The following JPH3 variants were observed in gnomAD, a reference collection of about 807,000 sequenced individuals.
JPH3 encodes junctophilin-3.
JPH3 carries 11 observed loss-of-function variants against 59.6 expected under a neutral mutation model. The ratio of observed to expected loss-of-function variants is 0.18; its 90% CI spans 0.12 to 0.31. The LOEUF is 0.31. Ranked by LOEUF, JPH3 falls within the 10% of genes least tolerant of loss-of-function variation. The pLI is 1.00. For synonymous variants in JPH3, 673 were observed against 483.6 expected, an observed-to-expected ratio of 1.39 and a Z score of -5.14; for missense variants, 1,202 against 1,105.7, an observed-to-expected ratio of 1.09 and a Z score of -1.24.
intron 4 of JPH3, among the ~76,000 whole-genome samples, chr16:87,692,848 T>A: frequency 6.6e-6 from 1 of 152,216 alleles, no homozygotes; most frequent in South Asian, 2.1e-4. Context: ...CGTCCGTACC[T>A]GCTTCCCGGC....
intron 4 of JPH3, chr16:87,695,196 T>C (rs1412203992): frequency 2.5e-6 from 1 of 394,722 alleles, no homozygotes; most frequent in African/African-American, 2.1e-5. Flanking sequence ...GCTCCCCTCC[T>C]TAATGCAGGC....
At chr16:87,676,423 C>T (rs1343113304) in intron 2 of JPH3, among the ~76,000 whole-genome samples, 1 of 152,096 alleles carries the variant, frequency 6.6e-6, no homozygotes, top group African/African-American at 2.4e-5. Flanking sequence ...ATTTACGGTA[C>T]CTTCATTTAT....
intron 2 of JPH3, among the ~76,000 whole-genome samples, chr16:87,676,941 G>A (rs1250555230): frequency 4.6e-5 from 7 of 151,812 alleles, no homozygotes; most frequent in African/African-American, 1.7e-4. Context: ...GGAGGCTGAA[G>A]TGGGCGGATC....
At chr16:87,632,634 T>G (rs578064793) in intron 1 of JPH3, among the ~76,000 whole-genome samples, 1 of 152,312 alleles carries the variant, frequency 6.6e-6, no homozygotes, top group Admixed American at 6.5e-5. Context: ...GACTCACGCC[T>G]CTAATCCCAG....
intron 1 of JPH3, among the ~76,000 whole-genome samples, chr16:87,623,111 C>T (rs2031249258): frequency 6.6e-6 from 1 of 152,216 alleles, no homozygotes; most frequent in Admixed American, 6.5e-5. Flanking sequence ...GAGGAGTCCA[C>T]TCTGCCCACC....
intron 1 of JPH3, 126 bp from the exon 2 acceptor site, chr16:87,644,132 T>C: frequency 9.8e-7 from 1 of 1,025,560 alleles, no homozygotes; most frequent in Non-Finnish European, 1.4e-6. Flanking sequence ...AGCGAGAACC[T>C]GTCTCAAAAA....
Position 87,644,704 on chromosome 16 carries a change from G to A in JPH3, c.829G>A (p.Glu277Lys), listed in dbSNP as rs770238690. 12 of 1,612,264 alleles carry A rather than the reference G, an allele frequency of 7.4e-6. No homozygotes were observed. The highest frequency in any genetic ancestry group is 2.2e-5 in the East Asian group (1 of 44,820). Residue 277 changes from glutamate to lysine, a missense_variant, in exon 2 of 5, where the codon GAG becomes AAG. Transcript: ENST00000284262. ...GGCTGAGGCCGAGCTGGCGGTCATCGAGGACGACATCGACGCCACCACCAC... is the reference window on the plus strand; with the variant it reads ...GGCTGAGGCCGAGCTGGCGGTCATCAAGGACGACATCGACGCCACCACCAC... ...GEAEAELAVIEDDIDATTTET... is the reference protein window; with the variant it reads ...GEAEAELAVIKDDIDATTTET...
chr16:87,646,830 G>C (rs1389432168), intron 2 of JPH3, among the ~76,000 whole-genome samples: 1 of 152,208 alleles, frequency 6.6e-6, no homozygotes, highest in East Asian at 1.9e-4. Flanking sequence ...AGGACTTAGT[G>C]GACAGTGCCC....
intron 1 of JPH3, among the ~76,000 whole-genome samples, chr16:87,610,223 T>C (rs2030681080): frequency 6.6e-6 from 1 of 152,186 alleles, no homozygotes; most frequent in African/African-American, 2.4e-5. Flanking sequence ...GCTTGCTTAC[T>C]CACTCGCCAC....
At chr16:87,672,332 T>C (rs1339636574) in intron 2 of JPH3, among the ~76,000 whole-genome samples, 1 of 152,186 alleles carries the variant, frequency 6.6e-6, no homozygotes, top group African/African-American at 2.4e-5. Flanking sequence ...GGTCCCAGGC[T>C]AACGGGCTTC....
intron 1 of JPH3, among the ~76,000 whole-genome samples, chr16:87,642,660 C>T (rs964222039): frequency 1.6e-4 from 25 of 152,212 alleles, no homozygotes; most frequent in South Asian, 2.1e-4. Flanking sequence ...CGTTAGTGCC[C>T]GGCTGCAGGG....
At chr16:87,666,348 C>CA (rs1343433653) in intron 2 of JPH3, among the ~76,000 whole-genome samples, 1 of 151,192 alleles carries the variant, frequency 6.6e-6, no homozygotes, top group Non-Finnish European at 1.5e-5. Context: ...CTCGACCTCT[C>CA]AAAGTGCTTA....
chr16:87,687,408 G>A (rs56272945), intron 3 of JPH3, among the ~76,000 whole-genome samples: 7,490 of 152,256 alleles, frequency 0.049, 600 homozygotes, highest in African/African-American at 0.17. Flanking sequence ...AGTGGCTGGC[G>A]CCAGCCTCTT....
In JPH3 at chr16:87,621,164, G is replaced by C. The variant is rs182648897; in HGVS notation, c.382+17636G>C. Among the ~76,000 whole-genome samples, 301 of 69,734 alleles carry C rather than the reference G, an allele frequency of 4.3e-3. 3 individuals are homozygous for C. Among genetic ancestry groups the C allele is most frequent in the African/African-American group, 0.018 (290 of 16,560 alleles). The allele number at this position is 69,734 out of a possible 152,430, so 45.7% of individuals were successfully genotyped here. A position where few individuals can be genotyped will look rare whatever the true frequency, so the allele number is the denominator to read the frequency against. On this transcript the variant is annotated intron_variant, in intron 1 of 4. Transcript: ENST00000284262. ...ACAGAGCGAGACTCTGTCTCAAAAG[G>C]AAAAAGAAAAAGAAACTGGTCCCCT...
intron 2 of JPH3, among the ~76,000 whole-genome samples, chr16:87,663,965 C>T (rs931653203): frequency 6.6e-6 from 1 of 152,164 alleles, no homozygotes; most frequent in Non-Finnish European, 1.5e-5. Flanking sequence ...GTGGTGGAAT[C>T]GACTCTTCTG....
intron 1 of JPH3, among the ~76,000 whole-genome samples, chr16:87,619,919 C>A (rs1478758746): frequency 6.6e-6 from 1 of 152,238 alleles, no homozygotes; most frequent in East Asian, 1.9e-4. Context: ...ACCATGGGGC[C>A]TCCCAGACTT....
intron 4 of JPH3, among the ~76,000 whole-genome samples, chr16:87,693,107 C>A (rs1054433442): frequency 6.6e-6 from 1 of 152,232 alleles, no homozygotes; most frequent in Non-Finnish European, 1.5e-5. Flanking sequence ...GGCCACGATG[C>A]CACGGAAAGC....
chr16:87,678,377 A>T (rs923633614), intron 2 of JPH3, among the ~76,000 whole-genome samples: 4 of 152,140 alleles, frequency 2.6e-5, no homozygotes, highest in Non-Finnish European at 5.9e-5. Flanking sequence ...TGTCTCTACT[A>T]AAAGTAGAAA....
intron 1 of JPH3, among the ~76,000 whole-genome samples, chr16:87,641,899 G>C (rs1402232804): frequency 6.6e-6 from 1 of 152,242 alleles, no homozygotes; most frequent in Non-Finnish European, 1.5e-5. Flanking sequence ...TAAGACCCCA[G>C]CCACTGTCCT....
Sources: allele counts gnomAD v4.1 joint callset (sites outside exome capture counted in the v4.1 genomes callset), GRCh38; gene constraint gnomAD v4.1.1; transcripts MANE v1.5; gene names NCBI Gene and HGNC (gene_info 2026-07-23, HGNC 2026-07-21).